ASIC2: variants seen among roughly 807,000 people sequenced by gnomAD.
ASIC2 encodes the protein acid sensing ion channel subunit 2.
A neutral mutation model predicts 57.3 loss-of-function variants in ASIC2; 25 were observed. The observed-to-expected ratio is 0.44, with a 90% confidence interval of 0.32 to 0.61. ASIC2 has a LOEUF of 0.61. Ranked by LOEUF, ASIC2 falls within the 20% of genes least tolerant of loss-of-function variation. The probability of loss-of-function intolerance (pLI) is 0.06; values close to 1 mark genes in which losing one functional copy is unlikely to be tolerated. For missense variants in ASIC2, 641 were observed against 738.1 expected, an observed-to-expected ratio of 0.87 and a Z score of 1.52; for synonymous variants, 319 against 307.5, an observed-to-expected ratio of 1.04 and a Z score of -0.39.
chr17:33,814,774 A>T (rs190794688), intron 1 of ASIC2, among the ~76,000 whole-genome samples: 15 of 152,282 alleles, frequency 9.9e-5, no homozygotes, highest in Non-Finnish European at 2.1e-4. Flanking sequence ...TGCCTGTATA[A>T]GGATCTATGC....
At chr17:33,790,753 T>C (rs181493648) in intron 1 of ASIC2, among the ~76,000 whole-genome samples, 3 of 152,260 alleles carry the variant, frequency 2.0e-5, no homozygotes, top group Admixed American at 2.0e-4. Flanking sequence ...TGGGTTCTGC[T>C]TCTCTGATTG....
At chr17:33,318,273 G>A (rs1906735540) in intron 1 of ASIC2, among the ~76,000 whole-genome samples, 2 of 152,094 alleles carry the variant, frequency 1.3e-5, no homozygotes, top group South Asian at 2.1e-4. Flanking sequence ...CTTTAACAAA[G>A]CCTATTCTTA....
At chr17:33,369,610 A>C (rs1908964650) in intron 1 of ASIC2, among the ~76,000 whole-genome samples, 2 of 152,152 alleles carry the variant, frequency 1.3e-5, no homozygotes, top group East Asian at 3.9e-4. Flanking sequence ...CATGTCACTT[A>C]TTCTTTGTAA....
intron 1 of ASIC2, among the ~76,000 whole-genome samples, chr17:33,723,549 G>A (rs754667295): frequency 6.6e-5 from 10 of 152,072 alleles, no homozygotes; most frequent in Non-Finnish European, 1.0e-4. Flanking sequence ...GGCTTGTCTC[G>A]AACTCCTGGC....
At chr17:33,941,749 G>T (rs1916196429) in intron 1 of ASIC2, among the ~76,000 whole-genome samples, 2 of 152,202 alleles carry the variant, frequency 1.3e-5, no homozygotes, top group Admixed American at 1.3e-4. Flanking sequence ...AAGGGAGTTT[G>T]GGAGGGGATC....
At chr17:33,356,061 C>T (rs1447275333) in intron 1 of ASIC2, among the ~76,000 whole-genome samples, 2 of 152,024 alleles carry the variant, frequency 1.3e-5, no homozygotes, top group Non-Finnish European at 2.9e-5. Context: ...AGGGGATAAG[C>T]GTGAAGAGTA....
chr17:33,316,533 C>T (rs1906662250), intron 1 of ASIC2, among the ~76,000 whole-genome samples: 2 of 152,192 alleles, frequency 1.3e-5, no homozygotes, highest in South Asian at 4.1e-4. Flanking sequence ...AGTCATCCGC[C>T]CATCTTGGTC....
intron 1 of ASIC2, among the ~76,000 whole-genome samples, chr17:33,571,185 G>GA (rs1476645635): frequency 1.3e-5 from 2 of 152,038 alleles, no homozygotes; most frequent in African/African-American, 4.8e-5. Context: ...ATGACCTCAG[G>GA]AGCCCTCTTT....
intron 1 of ASIC2, among the ~76,000 whole-genome samples, chr17:33,283,485 A>T (rs11080211): frequency 0.31 from 47,056 of 152,054 alleles, 7,497 homozygotes; most frequent in African/African-American, 0.39. Flanking sequence ...GGACTTTGCA[A>T]CCGTCCATTG....
At chr17:33,089,023 C>A in intron 2 of ASIC2, 33 bp from the exon 3 acceptor site, 1 of 1,612,224 alleles carries the variant, frequency 6.2e-7, no homozygotes, top group South Asian at 1.1e-5. Context: ...AGCCACGGGT[C>A]AGTAACAACA....
intron 1 of ASIC2, among the ~76,000 whole-genome samples, chr17:34,011,058 C>CAG (rs1398178767): frequency 1.0e-4 from 7 of 68,064 alleles, no homozygotes; most frequent in Admixed American, 3.2e-4. Flanking sequence ...CACACACAGA[C>CAG]ACACACATGC....
intron 1 of ASIC2, among the ~76,000 whole-genome samples, chr17:33,948,241 T>C (rs1254825045): frequency 2.6e-5 from 4 of 152,224 alleles, no homozygotes; most frequent in Non-Finnish European, 5.9e-5. Flanking sequence ...CTTTACCTCA[T>C]TCTGCAAAGA....
chr17:33,993,054 T>C (rs762674407), intron 1 of ASIC2, among the ~76,000 whole-genome samples: 5 of 152,206 alleles, frequency 3.3e-5, no homozygotes, highest in Non-Finnish European at 1.5e-5. Flanking sequence ...GTATTTTCTA[T>C]GCCCACATGA....
At chr17:33,307,276 C>CCTTCTTCTTCTT (rs112981249) in intron 1 of ASIC2, among the ~76,000 whole-genome samples, 34 of 147,690 alleles carry the variant, frequency 2.3e-4, no homozygotes, top group East Asian at 1.6e-3. Flanking sequence ...TCCTCCTCTT[C>CCTTCTTCTTCTT]CTTCTTCTTC....
At chr17:33,716,725 G>A (rs1909233603) in intron 1 of ASIC2, among the ~76,000 whole-genome samples, 1 of 152,050 alleles carries the variant, frequency 6.6e-6, no homozygotes, top group Admixed American at 6.6e-5. Flanking sequence ...TGTCTGTCAT[G>A]ACTGCATCTC....
At chr17:33,914,187 TA>T (rs1305692244) in intron 1 of ASIC2, among the ~76,000 whole-genome samples, 1 of 152,198 alleles carries the variant, frequency 6.6e-6, no homozygotes, top group African/African-American at 2.4e-5. Context: ...AGAGGCCATA[TA>T]GGACATCTAC....
chr17:33,870,200 T>C (rs937009928), intron 1 of ASIC2, among the ~76,000 whole-genome samples: 4 of 145,936 alleles, frequency 2.7e-5, no homozygotes, highest in Non-Finnish European at 6.0e-5. Flanking sequence ...AAGCAAAGCC[T>C]TGTGGGCTGT....
At chr17:34,012,899 C>T (rs1906823123) in intron 1 of ASIC2, among the ~76,000 whole-genome samples, 1 of 152,164 alleles carries the variant, frequency 6.6e-6, no homozygotes, top group Non-Finnish European at 1.5e-5. Context: ...CTGGTGACAC[C>T]TAGCAACAGT....
intron 1 of ASIC2, among the ~76,000 whole-genome samples, chr17:33,311,738 G>A (rs1906433797): frequency 3.9e-5 from 6 of 152,290 alleles, no homozygotes; most frequent in African/African-American, 1.2e-4. Context: ...TGAACACAGA[G>A]AGGAGACTCT....
Sources: allele counts gnomAD v4.1 joint callset (sites outside exome capture counted in the v4.1 genomes callset), GRCh38; gene constraint gnomAD v4.1.1; transcripts MANE v1.5; gene names NCBI Gene and HGNC (gene_info 2026-07-23, HGNC 2026-07-21).